DOCK6: variants seen among roughly 807,000 people sequenced by gnomAD.
The protein encoded by DOCK6 is dedicator of cytokinesis protein 6.
Under a neutral mutation model 230.3 loss-of-function variants are expected in DOCK6, and 167 were observed. The ratio of observed to expected loss-of-function variants is 0.73; its 90% CI spans 0.64 to 0.82. The LOEUF is 0.82. Among genes scored for constraint, DOCK6 ranks in the 40% least tolerant of loss-of-function variants. The probability of loss-of-function intolerance (pLI) is 0.00; values close to 1 mark genes in which losing one functional copy is unlikely to be tolerated. For synonymous variants in DOCK6, 1,148 were observed against 1,185.0 expected (o/e 0.97, Z 0.64); for missense variants, 2,598 against 2,825.8 (o/e 0.92, Z 1.83).
chr19:11,227,280 G>A (rs1046194364), intron 24 of DOCK6, 57 bp downstream of exon 24: 2 of 1,592,318 alleles, frequency 1.3e-6, no homozygotes, highest in African/African-American at 1.3e-5. Context: ...CCCCCACCTG[G>A]CTGGCTCTAT....
At chr19:11,225,059 G>A (rs1290004374) in intron 24 of DOCK6, among the ~76,000 whole-genome samples, 1 of 149,482 alleles carries the variant, frequency 6.7e-6, no homozygotes, top group Non-Finnish European at 1.5e-5. Context: ...ATGAGACTCC[G>A]TCTCAAAAAA....
At chr19:11,258,644 G>A (rs1291040970) in intron 1 of DOCK6, among the ~76,000 whole-genome samples, 1 of 151,656 alleles carries the variant, frequency 6.6e-6, no homozygotes, top group Non-Finnish European at 1.5e-5. Context: ...TGTTGGCCAA[G>A]CTGGCCTCGA....
In DOCK6 at chr19:11,251,077, G is replaced by A. The variant is rs201742664; in HGVS notation, c.517C>T (p.Arg173Trp). The change falls in exon 6 of 48, where the codon CGG becomes TGG. Residue 173 changes from arginine to tryptophan, a missense_variant. By Grantham distance (101) the Arg-to-Trp change is moderately radical. Transcript: ENST00000294618. ...TCTTCCGGGGAGCCCGAGCCACGCCGGGAGTCATTCTGCCAGTGGAGAATG... is the reference window on the plus strand; with the variant it reads ...TCTTCCGGGGAGCCCGAGCCACGCCAGGAGTCATTCTGCCAGTGGAGAATG... Reference protein sequence around the residue: ...RSGPEDSNDSRRGSGSPEDTP... With the variant: ...RSGPEDSNDSWRGSGSPEDTP... 2.5e-4 allele frequency: 410 copies of A among 1,610,624 alleles called. 1 individual carries two copies. The highest frequency in any genetic ancestry group is 7.2e-4 in the South Asian group (65 of 90,368).
In DOCK6 at chr19:11,202,610, G is replaced by C; in HGVS notation, c.5335C>G (p.Leu1779Val). 6.2e-7 allele frequency: 1 copy of C among 1,614,028 alleles called. No homozygotes were observed. The change falls in exon 42 of 48, where the codon CTG becomes GTG. Residue 1779 changes from leucine to valine, a missense_variant. Transcript: ENST00000294618. This position sits in a 1 kb window ranked among gnomAD's most constrained non-coding sequence, Gnocchi z 5.3. Reference protein sequence around the residue: ...FVYKEPSITKLAEISHRLEEF... With the variant: ...FVYKEPSITKVAEISHRLEEF... ...TCCAGCCGGTGTGAGATCTCTGCCA[G>C]CTTCGTGATCGATGGCTCCTTGTAC... is the stretch of plus-strand genomic sequence containing the variant.
chr19:11,222,348 A>G lies in DOCK6; in HGVS notation c.3241-100T>C. Reference sequence around the variant, plus strand: ...TGGAGGTGACAGAAATCATGGTGCCAATAGCCACAGATGAAAGACTGATGT... The same window carrying G: ...TGGAGGTGACAGAAATCATGGTGCCGATAGCCACAGATGAAAGACTGATGT... On this transcript the variant is annotated intron_variant, in intron 26 of 47. Transcript: ENST00000294618. The surrounding 1 kb of genome is among the most constrained non-coding windows in gnomAD (Gnocchi z 4.0). 6.9e-7 allele frequency: 1 copy of G among 1,453,556 alleles called. No individual in the cohort carries two copies. The highest frequency in any genetic ancestry group is 9.3e-7 in the Non-Finnish European group (1 of 1,075,096). The allele number at this position is 1,453,556 out of a possible 1,614,324, so 90.0% of individuals were successfully genotyped here. A position where few individuals can be genotyped will look rare whatever the true frequency, so the allele number is the denominator to read the frequency against.
chr19:11,239,073 G>T (rs1295460288), intron 14 of DOCK6, among the ~76,000 whole-genome samples: 1 of 152,140 alleles, frequency 6.6e-6, no homozygotes, highest in African/African-American at 2.4e-5. Context: ...GGAAACTGAG[G>T]TACTTGCACA....
chr19:11,222,459 A>AC lies in DOCK6; in HGVS notation c.3241-212dup, dbSNP rs1376848414. On this transcript the variant is annotated intron_variant, in intron 26 of 47. Coordinates refer to ENST00000294618, the MANE Select transcript of DOCK6 (RefSeq NM_020812.4). This position sits in a 1 kb window ranked among gnomAD's most constrained non-coding sequence, Gnocchi z 4.0. ...TAACCCATCTGTGATGTAACAGGGCACGGAGTCAAAAGTCAGAGGACTGAG... is the reference window on the plus strand; with the variant it reads ...TAACCCATCTGTGATGTAACAGGGCACCGGAGTCAAAAGTCAGAGGACTGAG... 4.0e-6 allele frequency: 3 copies of AC among 758,426 alleles called. No homozygotes were observed. Among genetic ancestry groups the AC allele is most frequent in the Non-Finnish European group, 6.2e-6 (3 of 482,502 alleles). 47.0% of individuals were successfully genotyped at this position (758,426 alleles called of 1,614,324 possible).
At position 11,235,638 on chromosome 19, in the gene DOCK6, G is replaced by T; in HGVS notation, c.2514C>A (p.Tyr838Ter). 6.2e-7 allele frequency: 1 copy of T among 1,603,184 alleles called. No individual in the cohort carries two copies. The highest frequency in any genetic ancestry group is 8.5e-7 in the Non-Finnish European group (1 of 1,175,090). The change falls in exon 21 of 48, where the codon TAC (tyrosine) becomes TAA (stop). Residue 838 changes from tyrosine (Y) to a stop codon, truncating the protein, a stop_gained. Coordinates refer to ENST00000294618, the MANE Select transcript of DOCK6 (RefSeq NM_020812.4). LOFTEE classifies it high-confidence loss of function. ...HCPQLAAYVH[Y>*]AFRLPGTEPS... ...GCTCAGTGCCAGGAAGGCGAAAGGC[G>T]TAGTGGACGTAGGCAGCCAGCTGTG...
At chr19:11,242,406 T>C (rs1216243190) in intron 13 of DOCK6, among the ~76,000 whole-genome samples, 199 bp from the exon 14 acceptor site, 1 of 151,986 alleles carries the variant, frequency 6.6e-6, no homozygotes, top group African/African-American at 2.4e-5. Flanking sequence ...TTGTTTTTCT[T>C]TTTTTTAAGT....
intron 1 of DOCK6, among the ~76,000 whole-genome samples, chr19:11,260,407 C>T (rs939552568): frequency 6.6e-6 from 1 of 151,614 alleles, no homozygotes; most frequent in African/African-American, 2.4e-5. Context: ...TAGTGAGATC[C>T]CGTTTCTACA....
intron 24 of DOCK6, among the ~76,000 whole-genome samples, chr19:11,224,654 G>A (rs186197832): frequency 1.6e-4 from 25 of 152,294 alleles, no homozygotes; most frequent in Admixed American, 6.5e-4. Context: ...TGCCTAGCAA[G>A]TCCGGGGAAC....
chr19:11,236,672 G>C lies in DOCK6; in HGVS notation c.2161-95C>G. On this transcript the variant is annotated intron_variant, in intron 19 of 47. Transcript: ENST00000294618. This position sits in a 1 kb window ranked among gnomAD's most constrained non-coding sequence, Gnocchi z 5.2. Reference sequence around the variant, plus strand: ...GCTTCCCTTAAAGCTGGGTCCAGCTGACCAAAGTCACGTCCAAGGCCTGAG... The same window carrying C: ...GCTTCCCTTAAAGCTGGGTCCAGCTCACCAAAGTCACGTCCAAGGCCTGAG... The C allele has an allele frequency of 6.6e-7, 1 of 1,509,002 alleles. No homozygotes were observed. Among genetic ancestry groups the C allele is most frequent in the Non-Finnish European group, 9.0e-7 (1 of 1,111,366 alleles). 93.5% of individuals were successfully genotyped at this position (1,509,002 alleles called of 1,614,324 possible).
Position 11,212,164 on chromosome 19 carries a change from G to A in DOCK6, c.4492-13C>T. On this transcript the variant is annotated splice_polypyrimidine_tract_variant and intron_variant, in intron 35 of 47. Coordinates refer to ENST00000294618, the MANE Select transcript of DOCK6 (RefSeq NM_020812.4). ...CACGGGCAAAGTTCTGCAGGGACAGGGGCGGGAGGGTGGAGCCGGGAGTCT... is the reference window on the plus strand; with the variant it reads ...CACGGGCAAAGTTCTGCAGGGACAGAGGCGGGAGGGTGGAGCCGGGAGTCT... 1 of 1,602,450 alleles carries A rather than the reference G, an allele frequency of 6.2e-7. No homozygotes were observed.
intron 14 of DOCK6, 111 bp from the exon 15 acceptor site, chr19:11,238,415 T>A: frequency 1.0e-6 from 1 of 1,001,160 alleles, no homozygotes; most frequent in Non-Finnish European, 1.5e-6. Flanking sequence ...CCAGGAAGAG[T>A]AGGTCATGAG....
chr19:11,240,086 A>ACAAAGATGAGTTGGACATC, intron 14 of DOCK6: 3 of 1,550,748 alleles, frequency 1.9e-6, no homozygotes, highest in Non-Finnish European at 2.6e-6. Context: ...CCTTAGGTAC[A>ACAAAGATGAGTTGGACATC]CAAAGATGAG....
intron 23 of DOCK6, 72 bp downstream of exon 23, chr19:11,228,868 C>A: frequency 6.8e-7 from 1 of 1,475,570 alleles, no homozygotes; most frequent in Non-Finnish European, 9.4e-7. Flanking sequence ...GGCCAGGGGG[C>A]TTCTCTCTTT....
intron 24 of DOCK6, among the ~76,000 whole-genome samples, chr19:11,224,070 A>G (rs898479191): frequency 2.0e-4 from 30 of 152,250 alleles, no homozygotes; most frequent in Admixed American, 7.9e-4. Flanking sequence ...GGGCGGGGGC[A>G]GGGAGACACA....
chr19:11,256,223 C>G (rs2080195652), intron 1 of DOCK6, among the ~76,000 whole-genome samples: 1 of 152,138 alleles, frequency 6.6e-6, no homozygotes, highest in Non-Finnish European at 1.5e-5. Context: ...GCTGCTGCCT[C>G]CAGAACCGTG....
At chr19:11,256,077 C>T (rs928838790) in intron 1 of DOCK6, among the ~76,000 whole-genome samples, 46 of 152,120 alleles carry the variant, frequency 3.0e-4, no homozygotes, top group African/African-American at 1.1e-3. Flanking sequence ...TGTGAGCCAC[C>T]TTGCCCGGCC....
Sources: gnomAD v4.1 joint callset for allele counts (sites outside exome capture counted in the v4.1 genomes callset) on GRCh38, gnomAD v4.1.1 for gene constraint, Gnocchi (gnomAD v3.1) non-coding constraint, MANE v1.5 for transcripts, NCBI Gene and HGNC (gene_info 2026-07-23, HGNC 2026-07-21) for gene names.